Variants in PRCP observed in about 807,000 individuals in gnomAD.
PRCP encodes lysosomal Pro-X carboxypeptidase.
Under a neutral mutation model 54.2 loss-of-function variants are expected in PRCP, and 46 were observed. The observed-to-expected ratio is 0.85, with a 90% CI of 0.67 to 1.09. The LOEUF is 1.09. PRCP is among the 50% of genes least tolerant of loss of function. PRCP has a pLI of 0.00. For missense variants in PRCP, 613 were observed against 596.8 expected (o/e 1.03, Z -0.28); for synonymous variants, 240 against 212.2 (o/e 1.13, Z -1.14).
chr11:82,851,198 T>G (rs117892763), intron 3 of PRCP, among the ~76,000 whole-genome samples: 2,199 of 152,230 alleles, frequency 0.014, 30 homozygotes, highest in South Asian at 0.055. Flanking sequence ...AGAAGGTCTT[T>G]TAAAATATGT....
chr11:82,839,122 T>C (rs1858597892), intron 7 of PRCP, 139 bp downstream of exon 7: 3 of 780,106 alleles, frequency 3.8e-6, no homozygotes, highest in South Asian at 1.9e-5. Flanking sequence ...AACTTGTCCA[T>C]AGTATCACAG....
intron 6 of PRCP, among the ~76,000 whole-genome samples, chr11:82,841,263 CGGGG>C (rs142034721): frequency 9.1e-6 from 1 of 110,410 alleles, no homozygotes; most frequent in African/African-American, 3.8e-5. Context: ...CAGCTGCCAG[CGGGG>C]GAAAAAAAAA....
chr11:82,889,225 G>T (rs568919972), intron 1 of PRCP, among the ~76,000 whole-genome samples: 1 of 152,136 alleles, frequency 6.6e-6, no homozygotes, highest in East Asian at 1.9e-4. Flanking sequence ...AGGCATGGTG[G>T]CACAAGCCTT....
Position 82,882,084 on chromosome 11 carries a change from A to T in PRCP, c.168+18151T>A, listed in dbSNP as rs149361001. 7.7e-3 allele frequency among the ~76,000 whole-genome samples: 1,167 copies of T among 152,290 alleles called. 16 individuals are homozygous for T. The highest frequency in any genetic ancestry group is 0.033 in the Admixed American group (508 of 15,292). On this transcript the variant is annotated intron_variant, in intron 1 of 8. Transcript: ENST00000313010. Reference sequence around the variant, plus strand: ...CATTAAGTGAAAGTGGATCATCACAAAGGTCTTTATCCTCATCTTCACTTT... The same window carrying T: ...CATTAAGTGAAAGTGGATCATCACATAGGTCTTTATCCTCATCTTCACTTT...
At chr11:82,891,547 C>T (rs1458259144) in intron 1 of PRCP, among the ~76,000 whole-genome samples, 1 of 152,152 alleles carries the variant, frequency 6.6e-6, no homozygotes, top group Non-Finnish European at 1.5e-5. Context: ...CCAGATGTCC[C>T]CGCATTATCT....
At position 82,846,315 on chromosome 11, in the gene PRCP, G is replaced by C. The variant is rs146841137; in HGVS notation, c.921+2734C>G. On this transcript the variant is annotated intron_variant, in intron 6 of 8. Coordinates refer to ENST00000313010, the MANE Select transcript of PRCP (RefSeq NM_005040.4). ...AAAAAAAGGAGAAATAGAATGAACA[G>C]TGAAAGAAAGTGATCTGAAGCTACA... is the stretch of plus-strand genomic sequence containing the variant. The C allele has an allele frequency of 1.3e-3, 205 of 152,254 alleles. 1 individual carries two copies. The highest frequency in any genetic ancestry group is 4.8e-3 in the African/African-American group (201 of 41,534). 9.4% of individuals were successfully genotyped at this position (152,254 alleles called of 1,614,324 possible). A position where few individuals can be genotyped will look rare whatever the true frequency, so the allele number is the denominator to read the frequency against.
At chr11:82,852,815 A>G (rs965739782) in intron 3 of PRCP, among the ~76,000 whole-genome samples, 2 of 152,152 alleles carry the variant, frequency 1.3e-5, no homozygotes, top group African/African-American at 4.8e-5. Context: ...TGTTATGCTC[A>G]TTATATTTTT....
At chr11:82,833,513 A>G (rs1355496849) in intron 8 of PRCP, among the ~76,000 whole-genome samples, 1 of 152,190 alleles carries the variant, frequency 6.6e-6, no homozygotes, top group Admixed American at 6.5e-5. Context: ...AATTAGTTCA[A>G]TCATTGTGGA....
At chr11:82,853,814 T>C (rs1490060578) in intron 2 of PRCP, among the ~76,000 whole-genome samples, 2 of 152,140 alleles carry the variant, frequency 1.3e-5, no homozygotes, top group Non-Finnish European at 2.9e-5. Context: ...ACCAGAATCA[T>C]ATAGGCTTTA....
intron 1 of PRCP, among the ~76,000 whole-genome samples, chr11:82,883,508 GATTT>G (rs1206558141): frequency 2.6e-5 from 4 of 152,156 alleles, no homozygotes; most frequent in Admixed American, 1.3e-4. Context: ...TTTTCTGGCA[GATTT>G]ATTTCTCTGA....
intron 3 of PRCP, among the ~76,000 whole-genome samples, 179 bp from the exon 4 acceptor site, chr11:82,850,684 GATTT>G (rs1431647881): frequency 6.6e-6 from 1 of 152,208 alleles, no homozygotes; most frequent in Non-Finnish European, 1.5e-5. Context: ...TCATGAAAAT[GATTT>G]TAAGTTTGTG....
intron 6 of PRCP, 108 bp from the exon 7 acceptor site, chr11:82,839,533 T>G (rs1485926184): frequency 2.5e-6 from 3 of 1,220,794 alleles, no homozygotes; most frequent in Non-Finnish European, 3.4e-6. Flanking sequence ...TAAAATATTC[T>G]TAAGCTACTA....
intron 6 of PRCP, 183 bp from the exon 7 acceptor site, chr11:82,839,608 A>G: frequency 1.5e-6 from 1 of 647,564 alleles, no homozygotes; most frequent in Non-Finnish European, 2.6e-6. Flanking sequence ...CTCTTCAATT[A>G]CTCCTTAGGC....
chr11:82,857,194 A>C (rs1176461660), intron 2 of PRCP, among the ~76,000 whole-genome samples: 1 of 152,182 alleles, frequency 6.6e-6, no homozygotes, highest in Admixed American at 6.5e-5. Flanking sequence ...GTTTCAATTA[A>C]TCTTCTTTAT....
intron 8 of PRCP, chr11:82,825,442 G>A (rs539240618): frequency 2.2e-4 from 60 of 278,408 alleles, no homozygotes; most frequent in African/African-American, 1.3e-3. Flanking sequence ...GTTATATAAT[G>A]CAAGTTACCT....
chr11:82,849,299 T>C (rs971178264), intron 5 of PRCP, 81 bp from the exon 6 acceptor site: 3 of 1,461,362 alleles, frequency 2.1e-6, no homozygotes, highest in East Asian at 2.3e-5. Flanking sequence ...CTTCACATAG[T>C]ATTTTAGAAA....
At chr11:82,853,101 G>A (rs1451705281) in intron 3 of PRCP, 76 bp downstream of exon 3, 10 of 1,028,050 alleles carry the variant, frequency 9.7e-6, no homozygotes, top group Admixed American at 5.7e-5. Flanking sequence ...TTATCTCACA[G>A]TGGGGCATAT....
intron 8 of PRCP, chr11:82,827,840 T>C (rs1035543045): frequency 6.6e-6 from 1 of 152,230 alleles, no homozygotes; most frequent in African/African-American, 2.4e-5. Flanking sequence ...ACGTTGAATC[T>C]GTGGATCAAC....
chr11:82,877,925 A>G (rs1197375254), intron 1 of PRCP, among the ~76,000 whole-genome samples: 2 of 152,202 alleles, frequency 1.3e-5, no homozygotes, highest in East Asian at 1.9e-4. Context: ...CAGACACTCA[A>G]TGCCAGCCAG....
Sources: gnomAD v4.1 joint callset for allele counts (sites outside exome capture counted in the v4.1 genomes callset) on GRCh38, gnomAD v4.1.1 for gene constraint, MANE v1.5 for transcripts, NCBI Gene and HGNC (gene_info 2026-07-23, HGNC 2026-07-21) for gene names.